Variants in LRMDA observed in about 807,000 individuals in gnomAD.
LRMDA encodes the protein leucine rich melanocyte differentiation associated, also known as leucine-rich melanocyte differentiation-associated protein.
Under a neutral mutation model 29.8 loss-of-function variants are expected in LRMDA, and 18 were observed. That is an observed-to-expected ratio of 0.60 (90% CI 0.42 to 0.90). The LOEUF is 0.90. LRMDA is among the 40% of genes least tolerant of loss of function. LRMDA has a pLI of 0.00. For synonymous variants in LRMDA, 125 were observed against 109.4 expected, an observed-to-expected ratio of 1.14 and a Z score of -0.89; for missense variants, 273 against 273.9, an observed-to-expected ratio of 1.00 and a Z score of 0.02.
At chr10:75,977,477 G>A (rs1847093787) in intron 2 of LRMDA, among the ~76,000 whole-genome samples, 1 of 152,060 alleles carries the variant, frequency 6.6e-6, no homozygotes, top group Non-Finnish European at 1.5e-5. Flanking sequence ...ATTCCTGAGG[G>A]GCAGGAGCAA....
At chr10:75,608,298 G>A (rs1394875966) in intron 2 of LRMDA, among the ~76,000 whole-genome samples, 1 of 151,960 alleles carries the variant, frequency 6.6e-6, no homozygotes, top group Non-Finnish European at 1.5e-5. Context: ...CATAGAAGCA[G>A]AGACTAGAAT....
intron 2 of LRMDA, among the ~76,000 whole-genome samples, chr10:75,486,309 A>T (rs145403005): frequency 6.6e-6 from 1 of 152,212 alleles, no homozygotes; most frequent in Non-Finnish European, 1.5e-5. Flanking sequence ...ACACTATAGC[A>T]TTCAAAATCT....
chr10:76,381,960 C>T (rs1459510274), intron 6 of LRMDA, among the ~76,000 whole-genome samples: 8 of 152,150 alleles, frequency 5.3e-5, no homozygotes, highest in South Asian at 4.2e-4. Flanking sequence ...ATGAGTCCTG[C>T]AACACATGAC....
chr10:76,151,272 A>C (rs965489678), intron 5 of LRMDA, among the ~76,000 whole-genome samples: 1 of 152,152 alleles, frequency 6.6e-6, no homozygotes, highest in African/African-American at 2.4e-5. Context: ...AGGTACAGCT[A>C]TATCAGCTTA....
intron 5 of LRMDA, among the ~76,000 whole-genome samples, chr10:76,265,988 G>A (rs1037825372): frequency 6.6e-6 from 1 of 152,090 alleles, no homozygotes; most frequent in African/African-American, 2.4e-5. Flanking sequence ...TAGCTGTTAA[G>A]GTTACAAGTC....
chr10:75,939,081 TC>T (rs1846345516), intron 2 of LRMDA, among the ~76,000 whole-genome samples: 1 of 152,050 alleles, frequency 6.6e-6, no homozygotes, highest in South Asian at 2.1e-4. Context: ...TTTAGATGGA[TC>T]CCCCCAAAAT....
chr10:76,262,768 T>G (rs1839960167), intron 5 of LRMDA, among the ~76,000 whole-genome samples: 2 of 152,196 alleles, frequency 1.3e-5, no homozygotes, highest in African/African-American at 2.4e-5. Flanking sequence ...AAGCAAACCC[T>G]CTTGACAAAT....
At chr10:76,024,332 C>T (rs1848026267) in intron 2 of LRMDA, among the ~76,000 whole-genome samples, 1 of 152,210 alleles carries the variant, frequency 6.6e-6, no homozygotes, top group South Asian at 2.1e-4. Flanking sequence ...CTGTCCCTAA[C>T]ATTGTTAGGT....
intron 6 of LRMDA, among the ~76,000 whole-genome samples, chr10:76,463,924 T>C (rs1347549799): frequency 6.9e-6 from 1 of 144,604 alleles, no homozygotes; most frequent in Non-Finnish European, 1.5e-5. Context: ...TAAATTTTTT[T>C]TTTTTTTTTT....
rs1237650362 is a variant in LRMDA at position 75,508,514 on chromosome 10, C to A, written c.131+70020C>A. ...GCTGTTTGGGATCTGCTTTTTAATC[C>A]TGGTCTGTTTAATGTTTGCTCCTGA... On this transcript the variant is annotated intron_variant, in intron 2 of 6. Transcript: ENST00000611255. Among the ~76,000 whole-genome samples the A allele has an allele frequency of 2.6e-5, 4 of 152,230 alleles. 2 individuals are homozygous for A. The highest frequency in any genetic ancestry group is 2.6e-4 in the Admixed American group (4 of 15,292).
At chr10:76,022,846 AG>A (rs1319578071) in intron 2 of LRMDA, among the ~76,000 whole-genome samples, 2 of 152,214 alleles carry the variant, frequency 1.3e-5, no homozygotes, top group Non-Finnish European at 2.9e-5. Context: ...CTATTCAACC[AG>A]GCTGTTTAAT....
intron 2 of LRMDA, among the ~76,000 whole-genome samples, chr10:75,807,764 G>A (rs1843881822): frequency 6.6e-6 from 1 of 152,154 alleles, no homozygotes; most frequent in African/African-American, 2.4e-5. Flanking sequence ...TGCCGTAGAT[G>A]GAAAACATAA....
At chr10:76,211,041 C>T (rs982287037) in intron 5 of LRMDA, among the ~76,000 whole-genome samples, 1 of 152,204 alleles carries the variant, frequency 6.6e-6, no homozygotes. Context: ...TTCCATTGGT[C>T]CAACACTTCA....
chr10:75,677,301 A>G (rs1174876448), intron 2 of LRMDA, among the ~76,000 whole-genome samples: 1 of 152,196 alleles, frequency 6.6e-6, no homozygotes, highest in African/African-American at 2.4e-5. Context: ...TGGCTGTCAG[A>G]ATTCCCATCT....
At chr10:75,921,589 A>G (rs1846025769) in intron 2 of LRMDA, among the ~76,000 whole-genome samples, 1 of 152,202 alleles carries the variant, frequency 6.6e-6, no homozygotes, top group African/African-American at 2.4e-5. Flanking sequence ...GTTGAAGTAG[A>G]AAAAAGCTTT....
chr10:75,601,978 G>A (rs1006573013), intron 2 of LRMDA, among the ~76,000 whole-genome samples: 2 of 152,132 alleles, frequency 1.3e-5, no homozygotes, highest in East Asian at 1.9e-4. Context: ...TACTCTGTGC[G>A]ATATCTTTTC....
At chr10:76,546,688 C>G (rs1441927146) in intron 6 of LRMDA, among the ~76,000 whole-genome samples, 2 of 152,184 alleles carry the variant, frequency 1.3e-5, no homozygotes, top group Non-Finnish European at 2.9e-5. Flanking sequence ...TACTCCTTCC[C>G]TGATTGAATC....
intron 2 of LRMDA, among the ~76,000 whole-genome samples, chr10:75,752,347 G>A (rs2132220717): frequency 6.6e-6 from 1 of 151,932 alleles, no homozygotes; most frequent in East Asian, 1.9e-4. Flanking sequence ...GAGTAGCTGG[G>A]ACTACAGGCG....
At chr10:75,922,055 A>G (rs999742833) in intron 2 of LRMDA, among the ~76,000 whole-genome samples, 8 of 152,138 alleles carry the variant, frequency 5.3e-5, no homozygotes, top group Admixed American at 4.6e-4. Context: ...ACCAAATGTA[A>G]ACTTGTAGCA....
Sources: allele counts gnomAD v4.1 joint callset (sites outside exome capture counted in the v4.1 genomes callset), GRCh38; gene constraint gnomAD v4.1.1; transcripts MANE v1.5; gene names NCBI Gene and HGNC (gene_info 2026-07-23, HGNC 2026-07-21).